FLNB: variants seen among roughly 807,000 people sequenced by gnomAD.
FLNB encodes the protein filamin B.
A neutral mutation model predicts 250.6 loss-of-function variants in FLNB; 111 were observed. The observed-to-expected ratio is 0.44, with a 90% confidence interval of 0.38 to 0.52. FLNB has a LOEUF of 0.52. Ranked by LOEUF, FLNB falls within the 20% of genes least tolerant of loss-of-function variation. The probability of loss-of-function intolerance (pLI) is 0.00; values close to 1 mark genes in which losing one functional copy is unlikely to be tolerated. For synonymous variants in FLNB, 1,302 were observed against 1,372.1 expected, an observed-to-expected ratio of 0.95 and a Z score of 1.13; for missense variants, 2,869 against 3,447.8, an observed-to-expected ratio of 0.83 and a Z score of 4.20.
intron 41 of FLNB, among the ~76,000 whole-genome samples, chr3:58,156,927 C>T (rs1245707169): frequency 6.6e-6 from 1 of 152,102 alleles, no homozygotes; most frequent in East Asian, 1.9e-4. Flanking sequence ...AAACTCCTGA[C>T]CTGAGGTGAT....
intron 1 of FLNB, among the ~76,000 whole-genome samples, chr3:58,056,109 T>TTTATTTATTTA (rs1441050424): frequency 6.4e-5 from 8 of 125,958 alleles, no homozygotes; most frequent in African/African-American, 2.3e-4. Context: ...TTATTTATTT[T>TTTATTTATTTA]TTTTTTTTTT....
chr3:58,128,973 G>A (rs764349066), intron 24 of FLNB, among the ~76,000 whole-genome samples: 23 of 152,212 alleles, frequency 1.5e-4, no homozygotes, highest in Non-Finnish European at 2.4e-4. Flanking sequence ...GATATTTAGT[G>A]AAGTGTTGGT....
intron 1 of FLNB, among the ~76,000 whole-genome samples, chr3:58,067,543 C>T (rs2097187413): frequency 6.6e-6 from 1 of 151,376 alleles, no homozygotes; most frequent in Non-Finnish European, 1.5e-5. Context: ...AACATCCCCA[C>T]ATTATAGTTT....
intron 5 of FLNB, 96 bp downstream of exon 5, chr3:58,095,050 CT>C: frequency 1.0e-6 from 1 of 993,606 alleles, no homozygotes; most frequent in Non-Finnish European, 1.6e-6. Flanking sequence ...TTCATTTCAG[CT>C]CACAACCAAA....
intron 3 of FLNB, among the ~76,000 whole-genome samples, chr3:58,080,784 G>T (rs534206723): frequency 1.1e-4 from 15 of 141,086 alleles, no homozygotes; most frequent in South Asian, 6.7e-4. Context: ...GAGCTACTGC[G>T]TCTGGCCTTT....
rs75635236 is a variant in FLNB, at chr3:58,157,323, A to G, written c.6888+1248A>G. Among the ~76,000 whole-genome samples the G allele has an allele frequency of 1.8e-4, 28 of 152,332 alleles. No individual in the cohort carries two copies. The East Asian group carries it at 5.4e-3, about 29-fold the overall frequency. On this transcript the variant is annotated intron_variant, in intron 41 of 45. Transcript: ENST00000295956. ...TGAGCTGCCCCCAGTTCTTGAAAAT[A>G]TTGGATTCATTAAAATCCAATCTGA...
chr3:58,069,756 C>CAGGA (rs2097191380), intron 1 of FLNB, among the ~76,000 whole-genome samples: 1 of 152,176 alleles, frequency 6.6e-6, no homozygotes, highest in South Asian at 2.1e-4. Context: ...CCCTTTGGAG[C>CAGGA]AGGAGAGCAG....
intron 1 of FLNB, among the ~76,000 whole-genome samples, chr3:58,064,998 C>T (rs2106897999): frequency 6.6e-6 from 1 of 152,250 alleles, no homozygotes; most frequent in South Asian, 2.1e-4. Flanking sequence ...TGTGATCGTG[C>T]CACTGCACTC....
chr3:58,094,813 A>G (rs1207699003), intron 4 of FLNB, 23 bp from the exon 5 acceptor site: 2 of 1,599,618 alleles, frequency 1.3e-6, no homozygotes, highest in Non-Finnish European at 1.7e-6. Context: ...GGCTTCTAAC[A>G]TGTCTGTGTA....
chr3:58,086,911 G>A (rs1010260928), intron 4 of FLNB, among the ~76,000 whole-genome samples: 14 of 152,212 alleles, frequency 9.2e-5, no homozygotes, highest in African/African-American at 3.4e-4. Flanking sequence ...TCAGGAGATC[G>A]AGACCATCCT....
At chr3:58,148,113 C>T (rs2097338635) in intron 34 of FLNB, 93 bp from the exon 35 acceptor site, 9 of 1,278,132 alleles carry the variant, frequency 7.0e-6, no homozygotes, top group East Asian at 2.3e-5. Flanking sequence ...TTAGTTCTTG[C>T]GTGTTCATCC....
intron 1 of FLNB, among the ~76,000 whole-genome samples, chr3:58,024,174 C>T (rs999950262): frequency 3.9e-5 from 6 of 152,194 alleles, no homozygotes; most frequent in African/African-American, 1.4e-4. Context: ...ATGGAAACCA[C>T]TTCTGGATAC....
chr3:58,081,803 T>C (rs781656496), intron 4 of FLNB, 27 bp downstream of exon 4: 8 of 1,613,228 alleles, frequency 5.0e-6, no homozygotes, highest in East Asian at 2.2e-5. Context: ...TGGTGTTGTA[T>C]TGGAGACATG....
In FLNB at chr3:58,148,559, A is replaced by G. The variant is rs933152304; in HGVS notation, c.5888-90A>G. On this transcript the variant is annotated intron_variant, in intron 35 of 45. Transcript: ENST00000295956. ...ACTCTGGATTGTTGGGTGTCAGGAA[A>G]GAGGACATATTTCTATTTCTGAGAG... 5 of 1,310,756 alleles carry G rather than the reference A, an allele frequency of 3.8e-6. No individual in the cohort carries two copies. In the African/African-American group the frequency reaches 7.2e-5, roughly 19 times the overall value. The allele number at this position is 1,310,756 out of a possible 1,614,324, so 81.2% of individuals were successfully genotyped here.
At chr3:58,093,660 C>CA (rs71091343) in intron 4 of FLNB, among the ~76,000 whole-genome samples, 1 of 150,692 alleles carries the variant, frequency 6.6e-6, no homozygotes, top group Non-Finnish European at 1.5e-5. Context: ...CACACACACA[C>CA]CCCTATGCAC....
chr3:58,035,474 G>GT (rs1365870462), intron 1 of FLNB, among the ~76,000 whole-genome samples: 1 of 152,154 alleles, frequency 6.6e-6, no homozygotes, highest in African/African-American at 2.4e-5. Flanking sequence ...CAGAATGGTG[G>GT]TTTAGGGAAC....
intron 12 of FLNB, among the ~76,000 whole-genome samples, chr3:58,107,870 T>C (rs2097262178): frequency 6.6e-6 from 1 of 152,202 alleles, no homozygotes; most frequent in Non-Finnish European, 1.5e-5. Context: ...CTAGGGCAAA[T>C]GTTGTCCGTG....
chr3:58,094,992 C>T (rs1169893433), intron 5 of FLNB, 38 bp downstream of exon 5: 1 of 1,497,062 alleles, frequency 6.7e-7, no homozygotes, highest in South Asian at 1.1e-5. Context: ...TCCAGCACCT[C>T]ATGGAGCTTT....
chr3:58,130,564 G>C (rs2097305565), intron 24 of FLNB, among the ~76,000 whole-genome samples, 177 bp from the exon 25 acceptor site: 1 of 152,192 alleles, frequency 6.6e-6, no homozygotes, highest in Admixed American at 6.5e-5. Flanking sequence ...TAGGTGTTCT[G>C]TGAGAATGGT....
Sources: gnomAD v4.1 joint callset for allele counts (sites outside exome capture counted in the v4.1 genomes callset) on GRCh38, gnomAD v4.1.1 for gene constraint, MANE v1.5 for transcripts, NCBI Gene and HGNC (gene_info 2026-07-23, HGNC 2026-07-21) for gene names.